The following ADAM10 variants were observed in gnomAD, a reference collection of about 807,000 sequenced individuals.
The protein encoded by ADAM10 is ADAM metallopeptidase domain 10.
A neutral mutation model predicts 90.1 loss-of-function variants in ADAM10; 17 were observed. The observed-to-expected ratio is 0.19, with a 90% CI of 0.13 to 0.28. The LOEUF (loss-of-function observed/expected upper bound fraction) is 0.28. Among genes scored for constraint, ADAM10 ranks in the 10% least tolerant of loss-of-function variants. The pLI is 1.00. For missense variants in ADAM10, 610 were observed against 914.3 expected, an observed-to-expected ratio of 0.67 and a Z score of 4.29; for synonymous variants, 310 against 298.6, an observed-to-expected ratio of 1.04 and a Z score of -0.40.
intron 11 of ADAM10, among the ~76,000 whole-genome samples, chr15:58,617,400 T>A (rs1895648510): frequency 1.3e-5 from 2 of 152,014 alleles, no homozygotes. Flanking sequence ...CCTGGACAGA[T>A]CAATCACAAG....
intron 7 of ADAM10, among the ~76,000 whole-genome samples, chr15:58,643,246 G>A (rs1896462642): frequency 6.6e-6 from 1 of 151,688 alleles, no homozygotes; most frequent in Non-Finnish European, 1.5e-5. Context: ...TGACCCTATG[G>A]CTCCGGATCA....
chr15:58,703,918 G>A, intron 2 of ADAM10: 1 of 153,754 alleles, frequency 6.5e-6, no homozygotes, highest in Non-Finnish European at 1.4e-5. Flanking sequence ...GGTAGTTCTT[G>A]ATAGCTTGTT....
At chr15:58,746,619 A>T (rs1290621008) in intron 1 of ADAM10, among the ~76,000 whole-genome samples, 1 of 152,200 alleles carries the variant, frequency 6.6e-6, no homozygotes, top group African/African-American at 2.4e-5. Context: ...ATGTCTTAAG[A>T]CAAGGAATTG....
chr15:58,690,930 A>C (rs1261937225), intron 2 of ADAM10, among the ~76,000 whole-genome samples: 1 of 152,208 alleles, frequency 6.6e-6, no homozygotes, highest in Non-Finnish European at 1.5e-5. Flanking sequence ...AAACAGCAGC[A>C]CCACCGGGTC....
intron 9 of ADAM10, among the ~76,000 whole-genome samples, chr15:58,631,051 T>C (rs577938363): frequency 3.9e-5 from 6 of 152,048 alleles, no homozygotes; most frequent in Non-Finnish European, 8.8e-5. Flanking sequence ...CCTCTCTCCT[T>C]GACCCCACGC....
intron 5 of ADAM10, among the ~76,000 whole-genome samples, chr15:58,661,258 A>C (rs957997555): frequency 1.3e-5 from 2 of 151,232 alleles, no homozygotes; most frequent in African/African-American, 2.4e-5. Context: ...TATGTTCTTC[A>C]CTCTTCTGTG....
Position 58,592,792 on chromosome 15 carries a change from T to C in ADAM10, c.*4755A>G, listed in dbSNP as rs1894851713. ...ATATATTAAATCGTGGTAGTATAAC[T>C]TGGTACATCTATCTGGGAGACAGTA... is the stretch of plus-strand genomic sequence containing the variant. On this transcript the variant is annotated 3_prime_UTR_variant, in exon 16 of 16. Transcript: ENST00000260408. 6.6e-6 allele frequency: 1 copy of C among 150,540 alleles called. No homozygotes were observed. Among genetic ancestry groups the C allele is most frequent in the South Asian group, 2.1e-4 (1 of 4,824 alleles). The allele number at this position is 150,540 out of a possible 1,614,324, so 9.3% of individuals were successfully genotyped here. A position where few individuals can be genotyped will look rare whatever the true frequency, so the allele number is the denominator to read the frequency against.
At chr15:58,715,414 CAA>C (rs201008048) in intron 2 of ADAM10, among the ~76,000 whole-genome samples, 18 of 128,396 alleles carry the variant, frequency 1.4e-4, no homozygotes, top group Admixed American at 7.9e-5. Context: ...GACTCTGTCT[CAA>C]AAAAAAAAAA....
chr15:58,647,244 AAG>A (rs1292601862), intron 5 of ADAM10, among the ~76,000 whole-genome samples: 69 of 56,234 alleles, frequency 1.2e-3, no homozygotes, highest in Non-Finnish European at 2.7e-3. Context: ...AGTAGACACT[AAG>A]TATTTTTTTT....
At position 58,647,248 on chromosome 15, in the gene ADAM10, A is replaced by ATTTCTTTTTTTTTTTTTTTTT. The variant is rs1162350060; in HGVS notation, c.586-1045_586-1044insAAAAAAAAAAAAAAAAAGAAA. 5.9e-4 allele frequency among the ~76,000 whole-genome samples: 35 copies of ATTTCTTTTTTTTTTTTTTTTT among 59,602 alleles called. 8 individuals carry two copies. Among genetic ancestry groups the ATTTCTTTTTTTTTTTTTTTTT allele is most frequent in the African/African-American group, 1.7e-3 (31 of 18,646 alleles). The allele number at this position is 59,602 out of a possible 152,430, so 39.1% of individuals were successfully genotyped here. ...TGGCAGCAAAGAGTAGACACTAAGTATTTTTTTTTTTTTTTTTTTTTTTTT... is the reference window on the plus strand; with the variant it reads ...TGGCAGCAAAGAGTAGACACTAAGTATTTCTTTTTTTTTTTTTTTTTTTTTTTTTTTTTTTTTTTTTTTTTT... On this transcript the variant is annotated intron_variant, in intron 5 of 15. Coordinates refer to ENST00000260408, the MANE Select transcript of ADAM10 (RefSeq NM_001110.4).
At chr15:58,602,752 C>T (rs763447545) in intron 14 of ADAM10, among the ~76,000 whole-genome samples, 2 of 152,124 alleles carry the variant, frequency 1.3e-5, no homozygotes, top group Non-Finnish European at 2.9e-5. Context: ...GTCCCACAGA[C>T]ACCTTTCTTC....
intron 2 of ADAM10, among the ~76,000 whole-genome samples, chr15:58,715,734 T>G (rs1567009461): frequency 6.6e-6 from 1 of 152,188 alleles, no homozygotes; most frequent in Non-Finnish European, 1.5e-5. Flanking sequence ...CTCTCTCGCT[T>G]TCCCTGCTCT....
intron 2 of ADAM10, among the ~76,000 whole-genome samples, chr15:58,714,423 G>C (rs1019703626): frequency 6.6e-6 from 1 of 151,830 alleles, no homozygotes; most frequent in Non-Finnish European, 1.5e-5. Flanking sequence ...TAACTGCACA[G>C]TATTTAATAT....
chr15:58,748,627 C>G (rs1208768740), intron 1 of ADAM10: 1 of 287,022 alleles, frequency 3.5e-6, no homozygotes, highest in African/African-American at 2.2e-5. Flanking sequence ...TCTACTCCAC[C>G]TGAAAGTTTA....
intron 2 of ADAM10, among the ~76,000 whole-genome samples, chr15:58,716,653 A>T (rs1384577110): frequency 5.9e-5 from 9 of 152,212 alleles, no homozygotes; most frequent in African/African-American, 2.2e-4. Context: ...TTAATTGAAG[A>T]CTTTAGATCA....
chr15:58,700,361 T>A (rs1898098517), intron 2 of ADAM10, among the ~76,000 whole-genome samples: 1 of 152,180 alleles, frequency 6.6e-6, no homozygotes, highest in Non-Finnish European at 1.5e-5. Context: ...TTCAACAAAT[T>A]TTTTTAAATA....
chr15:58,599,738 G>C lies in ADAM10; in HGVS notation c.2026-14C>G, dbSNP rs1376107711. The C allele has an allele frequency of 6.3e-7, 1 of 1,575,010 alleles. No individual in the cohort carries two copies. The highest frequency in any genetic ancestry group is 1.1e-5 in the South Asian group (1 of 89,044). ...CCACCAATGAGCCTAGAAATAAACAGATTTTTCCACTGAAAAAAAAAAAAC... is the reference window on the plus strand; with the variant it reads ...CCACCAATGAGCCTAGAAATAAACACATTTTTCCACTGAAAAAAAAAAAAC... On this transcript the variant is annotated splice_polypyrimidine_tract_variant and intron_variant, in intron 14 of 15. Coordinates refer to ENST00000260408, the MANE Select transcript of ADAM10 (RefSeq NM_001110.4).
chr15:58,659,701 C>T (rs1445984537), intron 5 of ADAM10, among the ~76,000 whole-genome samples: 3 of 152,126 alleles, frequency 2.0e-5, no homozygotes, highest in South Asian at 4.1e-4. Context: ...ATCAAAGTAA[C>T]ACTGCCCTCA....
chr15:58,611,675 G>T, intron 12 of ADAM10, 133 bp downstream of exon 12: 1 of 824,926 alleles, frequency 1.2e-6, no homozygotes, highest in Non-Finnish European at 1.9e-6. Context: ...TATATTCATG[G>T]TTTTGTGAGG....
Sources: gnomAD v4.1 joint callset for allele counts (sites outside exome capture counted in the v4.1 genomes callset) on GRCh38, gnomAD v4.1.1 for gene constraint, MANE v1.5 for transcripts, NCBI Gene and HGNC (gene_info 2026-07-23, HGNC 2026-07-21) for gene names.